Variants in FGF14 observed in about 807,000 individuals in gnomAD.
FGF14 encodes fibroblast growth factor 14.
Under a neutral mutation model 25.5 loss-of-function variants are expected in FGF14, and 5 were observed. The ratio of observed to expected loss-of-function variants is 0.20; its 90% CI spans 0.10 to 0.41. The LOEUF (loss-of-function observed/expected upper bound fraction) is 0.41. Ranked by LOEUF, FGF14 falls within the 10% of genes least tolerant of loss-of-function variation. The pLI, the probability that FGF14 is intolerant of heterozygous loss-of-function variation, is 1.00. For synonymous variants in FGF14, 138 were observed against 118.3 expected, an observed-to-expected ratio of 1.17 and a Z score of -1.08; for missense variants, 222 against 320.1, an observed-to-expected ratio of 0.69 and a Z score of 2.34.
chr13:101,754,296 G>C lies in FGF14; in HGVS notation c.409-27486C>G, dbSNP rs191463378. Among the ~76,000 whole-genome samples, 363 of 152,278 alleles carry C rather than the reference G, an allele frequency of 2.4e-3. 3 individuals are homozygous for C. The highest frequency in any genetic ancestry group is 0.014 in the Middle Eastern group (4 of 294). The stretch of plus-strand genomic sequence containing the variant: ...TGTTTCCTCCTGCCTTAATAAAAAA[G>C]TAGAGAAAAGCCAGCTTCTTCTTTG... On this transcript the variant is annotated intron_variant, in intron 3 of 4. Coordinates refer to ENST00000376143, the MANE Select transcript of FGF14 (RefSeq NM_004115.4).
chr13:102,017,033 C>T (rs1030574547), intron 1 of FGF14: 5 of 160,518 alleles, frequency 3.1e-5, no homozygotes, highest in African/African-American at 1.2e-4. Flanking sequence ...TGACTGTGAA[C>T]AATCAACTGA....
At chr13:101,843,822 G>C (rs1410983043) in intron 3 of FGF14, among the ~76,000 whole-genome samples, 1 of 151,976 alleles carries the variant, frequency 6.6e-6, no homozygotes, top group Non-Finnish European at 1.5e-5. Context: ...TTGAAAGACA[G>C]TGAAATGCAT....
At chr13:102,253,517 G>GT (rs1301152964) in intron 1 of FGF14, among the ~76,000 whole-genome samples, 3 of 152,114 alleles carry the variant, frequency 2.0e-5, no homozygotes, top group South Asian at 2.1e-4. Flanking sequence ...TGATGGGGTT[G>GT]TTTTTTTCCT....
At chr13:102,063,778 A>T (rs1456209107) in intron 1 of FGF14, among the ~76,000 whole-genome samples, 1 of 152,216 alleles carries the variant, frequency 6.6e-6, no homozygotes, top group Non-Finnish European at 1.5e-5. Context: ...TAAAAGGTGG[A>T]TAAACTGGTC....
intron 3 of FGF14, among the ~76,000 whole-genome samples, chr13:101,795,892 T>C (rs918107654): frequency 3.3e-5 from 5 of 152,090 alleles, no homozygotes; most frequent in Admixed American, 2.0e-4. Flanking sequence ...AGCATAGAAA[T>C]AGCTCTGTAA....
intron 1 of FGF14, among the ~76,000 whole-genome samples, chr13:101,953,885 C>T (rs572993498): frequency 1.8e-4 from 28 of 152,068 alleles, no homozygotes; most frequent in South Asian, 1.2e-3. Context: ...TCACCGTGCC[C>T]GGCCAGCTTT....
At chr13:101,898,341 A>AACACACACACACACACACACAC (rs55676818) in intron 1 of FGF14, among the ~76,000 whole-genome samples, 43 of 144,470 alleles carry the variant, frequency 3.0e-4, no homozygotes, top group African/African-American at 1.1e-3. Context: ...TGAAACATAC[A>AACACACACACACACACACACAC]ACACACACAC....
intron 3 of FGF14, among the ~76,000 whole-genome samples, chr13:101,836,002 T>C (rs796683184): frequency 6.6e-5 from 10 of 151,954 alleles, no homozygotes; most frequent in African/African-American, 2.4e-4. Flanking sequence ...GGGGTTTGCA[T>C]AGACCAGATG....
chr13:102,064,361 G>C (rs1406132860), intron 1 of FGF14, among the ~76,000 whole-genome samples: 1 of 152,020 alleles, frequency 6.6e-6, no homozygotes, highest in Admixed American at 6.5e-5. Context: ...CCTTTAGATG[G>C]GTTCCTAGTC....
chr13:101,818,818 C>T (rs184215212), intron 3 of FGF14, among the ~76,000 whole-genome samples: 78 of 152,104 alleles, frequency 5.1e-4, no homozygotes, highest in Non-Finnish European at 9.6e-4. Flanking sequence ...GGCAATAATC[C>T]CTATGCAGAG....
rs1156235347 is a variant in FGF14, at chr13:102,161,629, A to T, written c.208+239842T>A. 6.7e-3 allele frequency among the ~76,000 whole-genome samples: 58 copies of T among 8,708 alleles called. 4 individuals are homozygous for T. The highest frequency in any genetic ancestry group is 0.041 in the African/African-American group (54 of 1,322). 5.7% of individuals were successfully genotyped at this position (8,708 alleles called of 152,430 possible). On this transcript the variant is annotated intron_variant, in intron 1 of 4. Coordinates refer to the FGF14 transcript ENST00000376131. ...GAAGAAGAAGAAGAAGAAGAAGAAG[A>T]AGAAGAAGAAGAAGAAGAAGAAGAA...
At chr13:102,120,848 C>CAT (rs1566711951) in intron 1 of FGF14, among the ~76,000 whole-genome samples, 5 of 151,994 alleles carry the variant, frequency 3.3e-5, no homozygotes, top group Non-Finnish European at 5.9e-5. Context: ...GGATTATAGG[C>CAT]GCCTGCCACC....
intron 1 of FGF14, among the ~76,000 whole-genome samples, chr13:102,338,416 G>A (rs1033843850): frequency 6.6e-6 from 1 of 152,168 alleles, no homozygotes; most frequent in African/African-American, 2.4e-5. Context: ...GGGGGAAAAT[G>A]TGGACATACT....
At chr13:101,812,222 T>C (rs1236741609) in intron 3 of FGF14, among the ~76,000 whole-genome samples, 1 of 152,158 alleles carries the variant, frequency 6.6e-6, no homozygotes, top group Non-Finnish European at 1.5e-5. Flanking sequence ...ATTGGAAATT[T>C]TGTTACTCGA....
chr13:102,110,328 T>C (rs2045156204), intron 1 of FGF14, among the ~76,000 whole-genome samples: 1 of 152,152 alleles, frequency 6.6e-6, no homozygotes, highest in African/African-American at 2.4e-5. Flanking sequence ...CTCCTCACAA[T>C]TACCTGCTTG....
chr13:102,313,435 C>G (rs1303454645), intron 1 of FGF14, among the ~76,000 whole-genome samples: 2 of 152,126 alleles, frequency 1.3e-5, no homozygotes, highest in Non-Finnish European at 2.9e-5. Context: ...GAAGGGCACT[C>G]TCGTCTCAGG....
At chr13:101,940,897 T>A (rs1455966590) in intron 1 of FGF14, among the ~76,000 whole-genome samples, 1 of 152,106 alleles carries the variant, frequency 6.6e-6, no homozygotes, top group African/African-American at 2.4e-5. Flanking sequence ...ATTTTTCATA[T>A]GCAAAATAAA....
At chr13:102,086,495 A>C (rs1055323158) in intron 1 of FGF14, among the ~76,000 whole-genome samples, 2 of 152,146 alleles carry the variant, frequency 1.3e-5, no homozygotes, top group South Asian at 2.1e-4. Context: ...GAGCCACTGC[A>C]CTCCATCCTG....
intron 3 of FGF14, among the ~76,000 whole-genome samples, chr13:101,825,571 C>T (rs1001635093): frequency 1.4e-4 from 21 of 152,106 alleles, no homozygotes; most frequent in African/African-American, 4.8e-4. Flanking sequence ...TGGTATAATA[C>T]TCATCACTAT....
Sources: gnomAD v4.1 joint callset for allele counts (sites outside exome capture counted in the v4.1 genomes callset) on GRCh38, gnomAD v4.1.1 for gene constraint, MANE v1.5 for transcripts, NCBI Gene and HGNC (gene_info 2026-07-23, HGNC 2026-07-21) for gene names.